The following REEP3 variants were observed in gnomAD, a reference collection of about 807,000 sequenced individuals.
REEP3 encodes the protein receptor accessory protein 3, also known as receptor expression-enhancing protein 3.
Under a neutral mutation model 41.3 loss-of-function variants are expected in REEP3, and 20 were observed. The ratio of observed to expected loss-of-function variants is 0.48; its 90% CI spans 0.34 to 0.70. The LOEUF (loss-of-function observed/expected upper bound fraction) is 0.70, where lower values mean the gene tolerates loss of function less well. Ranked by LOEUF, REEP3 falls within the 30% of genes least tolerant of loss-of-function variation. The pLI is 0.01. For missense variants in REEP3, 271 were observed against 308.8 expected (o/e 0.88, Z 0.92); for synonymous variants, 104 against 101.8 (o/e 1.02, Z -0.13).
chr10:63,607,210 T>C (rs529965000), intron 5 of REEP3, among the ~76,000 whole-genome samples: 22 of 152,330 alleles, frequency 1.4e-4, no homozygotes, highest in Admixed American at 1.2e-3. Context: ...ATAAAAAATA[T>C]ACAGTGGAAA....
rs1358188503 is a variant in REEP3 at position 63,625,019 on chromosome 10, T to C, written c.*4150T>C. The C allele has an allele frequency of 1.3e-5, 2 of 152,262 alleles. No homozygotes were observed. The highest frequency in any genetic ancestry group is 1.3e-4 in the Admixed American group (2 of 15,286). 9.4% of individuals were successfully genotyped at this position (152,262 alleles called of 1,614,324 possible). A position where few individuals can be genotyped will look rare whatever the true frequency, so the allele number is the denominator to read the frequency against. On this transcript the variant is annotated 3_prime_UTR_variant, in exon 8 of 8. Coordinates refer to ENST00000373758, the MANE Select transcript of REEP3 (RefSeq NM_001001330.3). ...TTATGACACATAATGCGTGTTAAGG[T>C]CTTTCTAGATAGCATTTTAAATGGA...
chr10:63,587,345 G>A (rs17742981), intron 2 of REEP3, among the ~76,000 whole-genome samples: 25,839 of 152,030 alleles, frequency 0.17, 2,913 homozygotes, highest in Non-Finnish European at 0.25. Context: ...CTCAATCATT[G>A]TAGCACTGTC....
intron 1 of REEP3, among the ~76,000 whole-genome samples, chr10:63,559,055 G>A (rs1456986007): frequency 6.6e-6 from 1 of 151,980 alleles, no homozygotes; most frequent in Non-Finnish European, 1.5e-5. Context: ...AGGGGAATTT[G>A]GCTAACTAAT....
intron 7 of REEP3, 119 bp downstream of exon 7, chr10:63,619,919 T>G: frequency 2.3e-5 from 2 of 87,182 alleles, no homozygotes; most frequent in Non-Finnish European, 4.0e-5. Flanking sequence ...AGCAGTTTGA[T>G]TTTTTTTTTT....
intron 2 of REEP3, among the ~76,000 whole-genome samples, chr10:63,572,163 TA>T (rs955323518): frequency 1.4e-4 from 21 of 151,318 alleles, no homozygotes; most frequent in Non-Finnish European, 1.2e-4. Context: ...GTTCCTCCTT[TA>T]AAAAAAAATA....
intron 2 of REEP3, among the ~76,000 whole-genome samples, chr10:63,583,199 G>C (rs1353615632): frequency 6.6e-6 from 1 of 151,942 alleles, no homozygotes; most frequent in East Asian, 1.9e-4. Context: ...CACTGTGTTA[G>C]CCAGGATGGT....
At chr10:63,548,952 A>G (rs886620598) in intron 1 of REEP3, among the ~76,000 whole-genome samples, 1 of 152,148 alleles carries the variant, frequency 6.6e-6, no homozygotes, top group African/African-American at 2.4e-5. Flanking sequence ...GATCTCTTGT[A>G]AGAGTCAAAA....
intron 1 of REEP3, among the ~76,000 whole-genome samples, chr10:63,564,537 C>T (rs1321430182): frequency 6.6e-6 from 1 of 151,798 alleles, no homozygotes; most frequent in Non-Finnish European, 1.5e-5. Context: ...GCATGAGAAT[C>T]GCTTGAACCT....
chr10:63,604,985 G>C (rs1956210334), intron 5 of REEP3, among the ~76,000 whole-genome samples: 2 of 152,168 alleles, frequency 1.3e-5, no homozygotes, highest in African/African-American at 4.8e-5. Context: ...TGTCACCACT[G>C]AGAGGGGGCT....
chr10:63,557,029 A>G (rs1260129876), intron 1 of REEP3, among the ~76,000 whole-genome samples: 1 of 152,114 alleles, frequency 6.6e-6, no homozygotes, highest in East Asian at 1.9e-4. Flanking sequence ...AATTCTCCCT[A>G]TGTATAGTGT....
intron 2 of REEP3, among the ~76,000 whole-genome samples, chr10:63,591,134 T>C (rs77269175): frequency 0.07 from 10,570 of 151,350 alleles, 722 homozygotes; most frequent in African/African-American, 0.16. Flanking sequence ...TTTGTTTTTT[T>C]TTTTTTTGAC....
At position 63,599,174 on chromosome 10, in the gene REEP3, T is replaced by C. The variant is rs1191003183; in HGVS notation, c.308T>C (p.Ile103Thr). The C allele has an allele frequency of 2.6e-6, 4 of 1,547,480 alleles. No homozygotes were observed. The highest frequency in any genetic ancestry group is 2.6e-6 in the Non-Finnish European group (3 of 1,138,240). The change falls in exon 5 of 8, where the codon ATT (isoleucine) becomes ACT (threonine). Residue 103 changes from isoleucine (I) to threonine (T), a missense_variant. Ile to Thr is a moderately conservative substitution (Grantham distance 89). Transcript: ENST00000373758. ...HPLLSSKERE[I>T]DDYIVQAKER... is the part of the protein sequence containing the mutation. ...ATCTGTGGCTTTTTCCCCCAGGAGA[T>C]TGATGATTATATTGTACAAGCAAAG...
At chr10:63,526,730 T>C (rs1564989830) in intron 1 of REEP3, among the ~76,000 whole-genome samples, 1 of 152,170 alleles carries the variant, frequency 6.6e-6, no homozygotes, top group Non-Finnish European at 1.5e-5. Context: ...CATTTATCTC[T>C]TGGTTACTTG....
intron 6 of REEP3, among the ~76,000 whole-genome samples, chr10:63,615,981 T>G (rs944516454): frequency 6.6e-6 from 1 of 152,178 alleles, no homozygotes; most frequent in Admixed American, 6.5e-5. Flanking sequence ...CTCAGCCTTA[T>G]CCATTTCTGA....
chr10:63,521,570 G>T lies in REEP3; in HGVS notation c.25G>T (p.Ala9Ser), dbSNP rs1955243665. The change falls in exon 1 of 8, where the codon GCC (alanine) becomes TCC (serine). Residue 9 changes from alanine (A) to serine (S), a missense_variant. Coordinates refer to ENST00000373758, the MANE Select transcript of REEP3 (RefSeq NM_001001330.3). MVSWMISR[A>S]VVLVFGMLYP... ...GATGGTGTCCTGGATGATCTCCAGA[G>T]CCGTGGTGTAAGTGCCTCTCACTGC... 2.8e-6 allele frequency: 4 copies of T among 1,433,254 alleles called. No homozygotes were observed. The highest frequency in any genetic ancestry group is 3.7e-6 in the Non-Finnish European group (4 of 1,082,300). The allele number at this position is 1,433,254 out of a possible 1,614,324, so 88.8% of individuals were successfully genotyped here.
chr10:63,612,967 A>T (rs1214053871), intron 6 of REEP3, among the ~76,000 whole-genome samples: 1 of 152,148 alleles, frequency 6.6e-6, no homozygotes, highest in East Asian at 1.9e-4. Context: ...ACACGTTTAT[A>T]AATATGAAAA....
At chr10:63,606,261 C>A (rs1027376264) in intron 5 of REEP3, 3 of 53,964 alleles carry the variant, frequency 5.6e-5, no homozygotes, top group African/African-American at 2.0e-4. Context: ...TAGAACTTTT[C>A]TTTTTCTTTC....
At chr10:63,568,038 A>C (rs1395886711) in intron 2 of REEP3, among the ~76,000 whole-genome samples, 2 of 152,188 alleles carry the variant, frequency 1.3e-5, no homozygotes, top group Non-Finnish European at 2.9e-5. Context: ...TGGTGAAATT[A>C]ATCTTAAGAG....
chr10:63,597,585 A>C (rs1956126727), intron 3 of REEP3, among the ~76,000 whole-genome samples: 1 of 152,236 alleles, frequency 6.6e-6, no homozygotes, highest in African/African-American at 2.4e-5. Context: ...ATTCAAACAC[A>C]GTTGTCTCCT....
Sources: gnomAD v4.1 joint callset for allele counts (sites outside exome capture counted in the v4.1 genomes callset) on GRCh38, gnomAD v4.1.1 for gene constraint, MANE v1.5 for transcripts, NCBI Gene and HGNC (gene_info 2026-07-23, HGNC 2026-07-21) for gene names.